Variants in VPS41 observed in about 807,000 individuals in gnomAD.
VPS41 encodes VPS41 subunit of HOPS complex.
In VPS41, 85 loss-of-function variants were observed where a neutral mutation model predicts 130.9. The ratio of observed to expected loss-of-function variants is 0.65; its 90% confidence interval spans 0.55 to 0.78. The LOEUF (loss-of-function observed/expected upper bound fraction) is 0.78. VPS41 is among the 30% of genes least tolerant of loss of function. The pLI, the probability that VPS41 is intolerant of heterozygous loss-of-function variation, is 0.00. For synonymous variants in VPS41, 335 were observed against 332.9 expected (o/e 1.01, Z -0.07); for missense variants, 874 against 1,018.7 (o/e 0.86, Z 1.93).
chr7:38,858,697 C>G (rs187372422), intron 4 of VPS41, among the ~76,000 whole-genome samples: 62 of 152,278 alleles, frequency 4.1e-4, no homozygotes, highest in Non-Finnish European at 3.2e-4. Context: ...ACATGTTACT[C>G]ACGTGTCTGT....
intron 2 of VPS41, among the ~76,000 whole-genome samples, chr7:38,875,978 T>C (rs1388553847): frequency 3.9e-5 from 6 of 152,354 alleles, no homozygotes; most frequent in Middle Eastern, 3.4e-3. Context: ...CCACATATTA[T>C]TATTTAAAGC....
intron 10 of VPS41, among the ~76,000 whole-genome samples, chr7:38,785,631 A>G (rs1361661021): frequency 1.3e-5 from 2 of 152,240 alleles, no homozygotes; most frequent in Admixed American, 6.5e-5. Context: ...AGGCATTGCC[A>G]ATGACCTGCT....
intron 2 of VPS41, among the ~76,000 whole-genome samples, chr7:38,890,871 A>C (rs1354573503): frequency 6.6e-6 from 1 of 151,980 alleles, no homozygotes; most frequent in African/African-American, 2.4e-5. Context: ...TTTTTTGTAG[A>C]GACGGGGTCT....
At chr7:38,738,748 C>T (rs1795823371) in intron 25 of VPS41, among the ~76,000 whole-genome samples, 1 of 152,114 alleles carries the variant, frequency 6.6e-6, no homozygotes, top group Non-Finnish European at 1.5e-5. Context: ...GCAATACATG[C>T]CACTTGCATC....
chr7:38,794,838 G>C (rs1351936021), intron 9 of VPS41, among the ~76,000 whole-genome samples: 3 of 152,166 alleles, frequency 2.0e-5, no homozygotes, highest in African/African-American at 7.2e-5. Flanking sequence ...TTTTGGCTCT[G>C]AAGTATCTAA....
chr7:38,821,231 A>C lies in VPS41; in HGVS notation c.356T>G (p.Phe119Cys). The C allele has an allele frequency of 6.2e-7, 1 of 1,613,960 alleles. No individual in the cohort carries two copies. Among genetic ancestry groups the C allele is most frequent in the Non-Finnish European group, 8.5e-7 (1 of 1,179,922 alleles). ...QVFGLYSGEE[F>C]HETFDCPIKI... The stretch of plus-strand genomic sequence containing the variant: ...AATGGGACAGTCAAAAGTCTCGTGA[A>C]ATTCTTCTCCAGAATACAGTCCAAA... Residue 119 changes from phenylalanine (F) to cysteine (C), a missense_variant, in exon 6 of 29, where the codon TTT becomes TGT. By Grantham distance (205) the Phe-to-Cys change is radical (BLOSUM62 -2). Transcript: ENST00000310301.
At chr7:38,805,748 C>G (rs1784828187) in intron 7 of VPS41, among the ~76,000 whole-genome samples, 1 of 152,166 alleles carries the variant, frequency 6.6e-6, no homozygotes, top group Non-Finnish European at 1.5e-5. Flanking sequence ...GGGGCAGACT[C>G]ACATCTACAT....
At chr7:38,900,985 A>C (rs569140780) in intron 1 of VPS41, among the ~76,000 whole-genome samples, 1 of 152,346 alleles carries the variant, frequency 6.6e-6, no homozygotes, top group East Asian at 1.9e-4. Flanking sequence ...AGAAGGCTGA[A>C]CTTTGAGAAA....
chr7:38,852,832 T>C (rs142166808), intron 4 of VPS41, among the ~76,000 whole-genome samples: 87 of 152,314 alleles, frequency 5.7e-4, no homozygotes, highest in African/African-American at 1.9e-3. Flanking sequence ...TTTATCCACA[T>C]ATCTGGTCCA....
chr7:38,804,538 C>A (rs948829331), intron 7 of VPS41, among the ~76,000 whole-genome samples: 1 of 152,218 alleles, frequency 6.6e-6, no homozygotes, highest in African/African-American at 2.4e-5. Context: ...ATTTAAAAAA[C>A]ACTGTATCAA....
In VPS41 at chr7:38,805,310, G is replaced by A. The variant is rs193073494; in HGVS notation, c.451-8446C>T. On this transcript the variant is annotated intron_variant, in intron 7 of 28. Transcript: ENST00000310301. ...AGCACTTCAGGAGGCTGAGGTGGGC[G>A]GATCACAAGGTCAAGAAATGGAGAT... Among the ~76,000 whole-genome samples, 97 of 152,190 alleles carry A rather than the reference G, an allele frequency of 6.4e-4. No individual in the cohort carries two copies. In the South Asian group the frequency reaches 0.019, roughly 30 times the overall value.
intron 10 of VPS41, among the ~76,000 whole-genome samples, chr7:38,777,746 T>C (rs1784286687): frequency 6.6e-6 from 1 of 152,226 alleles, no homozygotes; most frequent in Non-Finnish European, 1.5e-5. Context: ...TTAGTTAACT[T>C]CCACACTCTT....
intron 27 of VPS41, among the ~76,000 whole-genome samples, chr7:38,727,836 C>T (rs957525331): frequency 8.5e-5 from 13 of 152,262 alleles, no homozygotes; most frequent in Admixed American, 4.6e-4. Flanking sequence ...TGTTAGTTTC[C>T]GCTTTTGAAT....
chr7:38,781,035 C>T (rs927016943), intron 10 of VPS41, among the ~76,000 whole-genome samples: 2 of 152,152 alleles, frequency 1.3e-5, no homozygotes, highest in Non-Finnish European at 2.9e-5. Flanking sequence ...ATGCCAGCAT[C>T]ATGCTTACTG....
At chr7:38,801,597 AT>A (rs1784726799) in intron 7 of VPS41, among the ~76,000 whole-genome samples, 1 of 152,106 alleles carries the variant, frequency 6.6e-6, no homozygotes, top group African/African-American at 2.4e-5. Flanking sequence ...AAGTCAAATA[AT>A]TTTCCCCCAA....
intron 25 of VPS41, among the ~76,000 whole-genome samples, chr7:38,730,266 C>T (rs1387781946): frequency 1.3e-5 from 2 of 152,296 alleles, no homozygotes; most frequent in Non-Finnish European, 2.9e-5. Flanking sequence ...TAAATTCATG[C>T]CACTGGGGAA....
At chr7:38,737,280 G>A (rs1436070412) in intron 25 of VPS41, among the ~76,000 whole-genome samples, 1 of 152,130 alleles carries the variant, frequency 6.6e-6, no homozygotes, top group Non-Finnish European at 1.5e-5. Context: ...GCTGATGCAG[G>A]AGAATTGTTT....
chr7:38,907,135 G>C (rs1265549064), intron 1 of VPS41, among the ~76,000 whole-genome samples: 1 of 151,826 alleles, frequency 6.6e-6, no homozygotes, highest in East Asian at 1.9e-4. Flanking sequence ...GCACATTATA[G>C]GGAAAAATAA....
intron 7 of VPS41, among the ~76,000 whole-genome samples, chr7:38,814,263 C>A (rs985846503): frequency 2.6e-5 from 4 of 152,212 alleles, no homozygotes; most frequent in African/African-American, 9.6e-5. Flanking sequence ...AGACAAGACA[C>A]TCATGCAGCA....
Sources: gnomAD v4.1 joint callset for allele counts (sites outside exome capture counted in the v4.1 genomes callset) on GRCh38, gnomAD v4.1.1 for gene constraint, MANE v1.5 for transcripts, NCBI Gene and HGNC (gene_info 2026-07-23, HGNC 2026-07-21) for gene names.